Variants in KATNA1 observed in about 807,000 individuals in gnomAD.
The protein encoded by KATNA1 is katanin catalytic subunit A1, also known as katanin p60 ATPase-containing subunit A1.
Under a neutral mutation model 62.6 loss-of-function variants are expected in KATNA1, and 42 were observed. The observed-to-expected ratio is 0.67, with a 90% CI of 0.52 to 0.87. KATNA1 has a LOEUF of 0.87. KATNA1 is among the 40% of genes least tolerant of loss of function. The pLI is 0.00. For synonymous variants in KATNA1, 186 were observed against 201.9 expected (o/e 0.92, Z 0.67); for missense variants, 498 against 612.5 (o/e 0.81, Z 1.97).
At chr6:149,599,207 A>G (rs1367121304) in intron 7 of KATNA1, among the ~76,000 whole-genome samples, 3 of 152,182 alleles carry the variant, frequency 2.0e-5, no homozygotes, top group Non-Finnish European at 4.4e-5. Context: ...GTCTTTATGT[A>G]TAAATATTTT....
chr6:149,642,201 G>A (rs1376879409), intron 1 of KATNA1, among the ~76,000 whole-genome samples: 4 of 152,136 alleles, frequency 2.6e-5, no homozygotes, highest in Non-Finnish European at 5.9e-5. Flanking sequence ...GCGCCTGGCC[G>A]AGAGACCTCT....
chr6:149,622,452 T>C (rs1779436275), intron 4 of KATNA1, among the ~76,000 whole-genome samples: 1 of 152,084 alleles, frequency 6.6e-6, no homozygotes, highest in African/African-American at 2.4e-5. Context: ...GAAAAGGGTA[T>C]ACAGAAAAAT....
intron 3 of KATNA1, among the ~76,000 whole-genome samples, chr6:149,627,008 C>T (rs1472218193): frequency 6.6e-6 from 1 of 151,676 alleles, no homozygotes; most frequent in Non-Finnish European, 1.5e-5. Flanking sequence ...ATAATTTCAA[C>T]AACAACCCTT....
In KATNA1 at chr6:149,608,705, C is replaced by T. The variant is rs1582763676; in HGVS notation, c.502-3923G>A. 2.6e-5 allele frequency among the ~76,000 whole-genome samples: 4 copies of T among 152,326 alleles called. No individual in the cohort carries two copies. In the South Asian group the frequency reaches 8.3e-4, roughly 32 times the overall value. Reference sequence around the variant, plus strand: ...GCCCCTGCATGTTCTCTCCCCCACCCCTCCCCGCCACAGTCACTGGACATC... The same window carrying T: ...GCCCCTGCATGTTCTCTCCCCCACCTCTCCCCGCCACAGTCACTGGACATC... On this transcript the variant is annotated intron_variant, in intron 4 of 10. Transcript: ENST00000367411.
chr6:149,607,692 G>A (rs1177151840), intron 4 of KATNA1, among the ~76,000 whole-genome samples: 1 of 152,132 alleles, frequency 6.6e-6, no homozygotes, highest in Non-Finnish European at 1.5e-5. Flanking sequence ...GGGATTCAAA[G>A]GGACCTAGAC....
rs536806938 is a variant in KATNA1, at chr6:149,606,696, G to A, written c.502-1914C>T. 3.4e-5 allele frequency among the ~76,000 whole-genome samples: 5 copies of A among 148,656 alleles called. No individual in the cohort carries two copies. The South Asian group carries it at 6.3e-4, about 19-fold the overall frequency. On this transcript the variant is annotated intron_variant, in intron 4 of 10. Coordinates refer to ENST00000367411, the MANE Select transcript of KATNA1 (RefSeq NM_007044.4). ...TGCAGTGGCACGATCTTGGCTCACT[G>A]CAACCTCTGCTTCCCCGGTTCAAGC...
intron 3 of KATNA1, among the ~76,000 whole-genome samples, chr6:149,625,265 A>G (rs1019149813): frequency 6.6e-6 from 1 of 152,214 alleles, no homozygotes; most frequent in African/African-American, 2.4e-5. Flanking sequence ...GTGATTACAA[A>G]TATCACTGAG....
intron 3 of KATNA1, among the ~76,000 whole-genome samples, chr6:149,625,349 T>C (rs1235338023): frequency 1.3e-5 from 2 of 152,100 alleles, no homozygotes; most frequent in African/African-American, 4.8e-5. Flanking sequence ...GTAAAGACAC[T>C]TCAGGCCGGG....
At chr6:149,630,682 T>C (rs981352073) in intron 3 of KATNA1, among the ~76,000 whole-genome samples, 1 of 152,194 alleles carries the variant, frequency 6.6e-6, no homozygotes, top group Non-Finnish European at 1.5e-5. Context: ...TACTCATTAA[T>C]TGATTTTAAA....
At chr6:149,605,393 A>G (rs1423060906) in intron 4 of KATNA1, among the ~76,000 whole-genome samples, 1 of 152,206 alleles carries the variant, frequency 6.6e-6, no homozygotes, top group East Asian at 1.9e-4. Flanking sequence ...AATCCTTTAG[A>G]GGAGATAAGA....
At chr6:149,611,379 T>C (rs1414054573) in intron 4 of KATNA1, among the ~76,000 whole-genome samples, 1 of 149,564 alleles carries the variant, frequency 6.7e-6, no homozygotes, top group African/African-American at 2.5e-5. Context: ...GGAGAATCAC[T>C]TGAACCTGGG....
chr6:149,626,129 T>C lies in KATNA1; in HGVS notation c.321-2846A>G, dbSNP rs560518100. 2.6e-5 allele frequency among the ~76,000 whole-genome samples: 4 copies of C among 152,264 alleles called. No homozygotes were observed. The East Asian group carries it at 7.7e-4, about 29-fold the overall frequency. On this transcript the variant is annotated intron_variant, in intron 3 of 10. Coordinates refer to ENST00000367411, the MANE Select transcript of KATNA1 (RefSeq NM_007044.4). Reference sequence around the variant, plus strand: ...GACACTGACATATAATAAAGTATAGTTGGCCTTCCATATCTGCAGATTCCA... The same window carrying C: ...GACACTGACATATAATAAAGTATAGCTGGCCTTCCATATCTGCAGATTCCA...
chr6:149,595,129 A>G lies in KATNA1; in HGVS notation c.1383T>C (p.Asp461=). ...AAACCTTTTTTAAAGCCATCTCGAA[A>G]TCCTCCATAGTTGTAGGCATGTGCA... ...EEMHMPTTME[D]FEMALKKVSK... The change falls in exon 11 of 11, where the codon GAT becomes GAC. Residue 461 remains aspartate (D), a synonymous_variant. Coordinates refer to ENST00000367411, the MANE Select transcript of KATNA1 (RefSeq NM_007044.4). 1 of 1,614,098 alleles carries G rather than the reference A, an allele frequency of 6.2e-7. No individual in the cohort carries two copies. The highest frequency in any genetic ancestry group is 8.5e-7 in the Non-Finnish European group (1 of 1,179,990).
Position 149,604,599 on chromosome 6 carries a change from C to T in KATNA1, c.623+62G>A, listed in dbSNP as rs1006624608. The stretch of plus-strand genomic sequence containing the variant: ...GCTCTTCAGTACATGCTCACATTTG[C>T]TCCATTTTCCATTCCGAATAGCATC... On this transcript the variant is annotated intron_variant, in intron 5 of 10. Coordinates refer to ENST00000367411, the MANE Select transcript of KATNA1 (RefSeq NM_007044.4). 7.6e-6 allele frequency: 12 copies of T among 1,572,854 alleles called. No homozygotes were observed. In the Admixed American group the frequency reaches 1.5e-4, roughly 20 times the overall value.
intron 4 of KATNA1, among the ~76,000 whole-genome samples, chr6:149,619,702 T>C (rs1036652398): frequency 6.6e-6 from 1 of 152,100 alleles, no homozygotes; most frequent in Non-Finnish European, 1.5e-5. Context: ...TAAGATGATA[T>C]AGCCACTATG....
At chr6:149,634,465 C>A (rs1246305148) in intron 2 of KATNA1, among the ~76,000 whole-genome samples, 1 of 151,862 alleles carries the variant, frequency 6.6e-6, no homozygotes, top group Non-Finnish European at 1.5e-5. Flanking sequence ...GGAAAAAAAA[C>A]CATCAAAGCA....
chr6:149,617,989 A>ATAT (rs1398912525), intron 4 of KATNA1, among the ~76,000 whole-genome samples: 26 of 141,680 alleles, frequency 1.8e-4, no homozygotes, highest in East Asian at 6.4e-4. Context: ...TAAATAAATA[A>ATAT]ATATATATAT....
intron 4 of KATNA1, among the ~76,000 whole-genome samples, chr6:149,613,283 T>C (rs1779039644): frequency 6.7e-6 from 1 of 149,404 alleles, no homozygotes. Context: ...CATTGAATTC[T>C]TTCCTCCTAA....
At chr6:149,638,734 T>TG (rs1780165834) in intron 1 of KATNA1, 174 bp from the exon 2 acceptor site, 5 of 371,452 alleles carry the variant, frequency 1.3e-5, no homozygotes, top group Non-Finnish European at 1.9e-5. Flanking sequence ...AACATTGTTT[T>TG]TTTTTTTTTT....
Sources: gnomAD v4.1 joint callset for allele counts (sites outside exome capture counted in the v4.1 genomes callset) on GRCh38, gnomAD v4.1.1 for gene constraint, MANE v1.5 for transcripts, NCBI Gene and HGNC (gene_info 2026-07-23, HGNC 2026-07-21) for gene names.